Variants in SERPINI1 observed in about 807,000 individuals in gnomAD.
SERPINI1 encodes neuroserpin.
Under a neutral mutation model 41.1 loss-of-function variants are expected in SERPINI1, and 19 were observed. That is an observed-to-expected ratio of 0.46 (90% CI 0.32 to 0.68). The LOEUF (loss-of-function observed/expected upper bound fraction) is 0.68. SERPINI1 is among the 30% of genes least tolerant of loss of function. The probability of loss-of-function intolerance (pLI) is 0.03; values close to 1 mark genes in which losing one functional copy is unlikely to be tolerated. For synonymous variants in SERPINI1, 138 were observed against 156.6 expected (o/e 0.88, Z 0.89); for missense variants, 460 against 479.2 (o/e 0.96, Z 0.37).
intron 1 of SERPINI1, among the ~76,000 whole-genome samples, chr3:167,773,260 T>A (rs1726851318): frequency 6.6e-6 from 1 of 152,094 alleles, no homozygotes; most frequent in Non-Finnish European, 1.5e-5. Context: ...AGCTGCTATG[T>A]AAGCAGCTTG....
Position 167,792,688 on chromosome 3 carries a change from T to C in SERPINI1, c.580T>C (p.Phe194Leu). ...TTTCAAGGGGAACTGGAAGTCGCAG[T>C]TTAGGCCTGAAAATACTAGAACCTT... Reference protein sequence around the residue: ...VYFKGNWKSQFRPENTRTFSF... With the variant: ...VYFKGNWKSQLRPENTRTFSF... Residue 194 changes from phenylalanine to leucine, a missense_variant, in exon 4 of 9, where the codon TTT (phenylalanine) becomes CTT (leucine). By Grantham distance (22) the Phe-to-Leu change is conservative. Coordinates refer to ENST00000446050, the MANE Select transcript of SERPINI1 (RefSeq NM_001122752.2). 6.2e-7 allele frequency: 1 copy of C among 1,613,828 alleles called. No homozygotes were observed. The highest frequency in any genetic ancestry group is 8.5e-7 in the Non-Finnish European group (1 of 1,179,864).
At chr3:167,756,443 A>G (rs546443300) in intron 1 of SERPINI1, among the ~76,000 whole-genome samples, 1 of 152,094 alleles carries the variant, frequency 6.6e-6, no homozygotes, top group East Asian at 1.9e-4. Flanking sequence ...GACTACAGGC[A>G]TGCACCACCA....
At chr3:167,814,599 C>G (rs938241429) in intron 6 of SERPINI1, among the ~76,000 whole-genome samples, 2 of 152,152 alleles carry the variant, frequency 1.3e-5, no homozygotes, top group South Asian at 2.1e-4. Context: ...GAAGTAGTGG[C>G]CTACACTTGC....
chr3:167,797,642 T>A (rs1413337929), intron 5 of SERPINI1, among the ~76,000 whole-genome samples: 2 of 152,044 alleles, frequency 1.3e-5, no homozygotes, highest in Non-Finnish European at 2.9e-5. Context: ...GGCTAAGATA[T>A]TTAGCATGCA....
chr3:167,740,177 C>A (rs1398105113), intron 1 of SERPINI1, among the ~76,000 whole-genome samples: 1 of 151,978 alleles, frequency 6.6e-6, no homozygotes, highest in Non-Finnish European at 1.5e-5. Context: ...AGACTACAGG[C>A]AAGAACCACC....
At chr3:167,736,686 T>C (rs1725458702) in intron 1 of SERPINI1, among the ~76,000 whole-genome samples, 1 of 152,214 alleles carries the variant, frequency 6.6e-6, no homozygotes, top group Non-Finnish European at 1.5e-5. Flanking sequence ...ACACATGTAG[T>C]GTCATAAAAT....
At position 167,822,960 on chromosome 3, in the gene SERPINI1, A is replaced by AC. The variant is rs1490414339; in HGVS notation, c.980-26_980-25insC. 3.4e-6 allele frequency: 5 copies of AC among 1,450,906 alleles called. 1 individual carries two copies. The highest frequency in any genetic ancestry group is 3.9e-6 in the Non-Finnish European group (4 of 1,031,540). The allele number at this position is 1,450,906 out of a possible 1,614,324, so 89.9% of individuals were successfully genotyped here. A position where few individuals can be genotyped will look rare whatever the true frequency, so the allele number is the denominator to read the frequency against. ...ATTTTCCTATCTCTGAATGAAAAAA[A>AC]AAAATTTCTGATTCTCTTTTTGCAG... is the stretch of plus-strand genomic sequence containing the variant. On this transcript the variant is annotated intron_variant, in intron 6 of 8. Coordinates refer to ENST00000446050, the MANE Select transcript of SERPINI1 (RefSeq NM_001122752.2).
At chr3:167,744,827 AAT>A (rs201096812) in intron 1 of SERPINI1, among the ~76,000 whole-genome samples, 6,262 of 123,268 alleles carry the variant, frequency 0.051, 208 homozygotes, top group South Asian at 0.067. Context: ...TTATATATAT[AAT>A]ATATATATTA....
intron 1 of SERPINI1, among the ~76,000 whole-genome samples, chr3:167,769,829 T>A (rs2108544801): frequency 6.6e-6 from 1 of 152,278 alleles, no homozygotes; most frequent in Non-Finnish European, 1.5e-5. Flanking sequence ...ATCTTTTTTA[T>A]GATGTATTCA....
rs1359965635 is a variant in SERPINI1 at position 167,771,536 on chromosome 3, A to G, written c.-18-17575A>G. ...TTCACTGAGGGAAACTGGCTAAGGG[A>G]CAAGGGAATGTGGGGAAGAGAATCT... On this transcript the variant is annotated intron_variant, in intron 1 of 8. Transcript: ENST00000446050. 2.6e-5 allele frequency among the ~76,000 whole-genome samples: 4 copies of G among 152,222 alleles called. No homozygotes were observed. The East Asian group carries it at 7.7e-4, about 29-fold the overall frequency.
chr3:167,797,772 T>C (rs1430676013), intron 5 of SERPINI1, among the ~76,000 whole-genome samples: 1 of 151,940 alleles, frequency 6.6e-6, no homozygotes, highest in Non-Finnish European at 1.5e-5. Context: ...TTGACATTTA[T>C]ATACTAAATA....
chr3:167,818,206 T>C (rs753708539), intron 6 of SERPINI1, among the ~76,000 whole-genome samples: 6 of 152,008 alleles, frequency 3.9e-5, no homozygotes, highest in Non-Finnish European at 7.4e-5. Flanking sequence ...TTTTGTATTT[T>C]TAGTAGAGAC....
chr3:167,819,456 T>C (rs1425584268), intron 6 of SERPINI1, among the ~76,000 whole-genome samples: 1 of 152,248 alleles, frequency 6.6e-6, no homozygotes, highest in Non-Finnish European at 1.5e-5. Context: ...GAAAACTTGA[T>C]TGCTTTTTTA....
At chr3:167,760,418 G>A (rs1335104399) in intron 1 of SERPINI1, among the ~76,000 whole-genome samples, 1 of 151,830 alleles carries the variant, frequency 6.6e-6, no homozygotes, top group Non-Finnish European at 1.5e-5. Context: ...TGGCACCAGG[G>A]CAGCAGCATA....
intron 5 of SERPINI1, among the ~76,000 whole-genome samples, chr3:167,804,958 C>G (rs1414491145): frequency 6.6e-6 from 1 of 152,088 alleles, no homozygotes. Flanking sequence ...ACCAATATGG[C>G]TTGCTGTGGA....
chr3:167,806,864 A>T (rs1048928780), intron 5 of SERPINI1, among the ~76,000 whole-genome samples: 1 of 152,106 alleles, frequency 6.6e-6, no homozygotes, highest in African/African-American at 2.4e-5. Flanking sequence ...TTAAAAAAAA[A>T]AATAAAATAT....
intron 6 of SERPINI1, among the ~76,000 whole-genome samples, chr3:167,809,850 T>G (rs1711803160): frequency 6.6e-6 from 1 of 152,098 alleles, no homozygotes; most frequent in Non-Finnish European, 1.5e-5. Flanking sequence ...ATTTGCCCCC[T>G]TAAACATAAG....
intron 1 of SERPINI1, among the ~76,000 whole-genome samples, chr3:167,754,299 C>A (rs1726131531): frequency 6.6e-6 from 1 of 152,196 alleles, no homozygotes; most frequent in Non-Finnish European, 1.5e-5. Context: ...CAGCTAGACC[C>A]TGGGCTACAG....
intron 1 of SERPINI1, among the ~76,000 whole-genome samples, chr3:167,770,558 T>C (rs1031636212): frequency 6.6e-6 from 1 of 152,136 alleles, no homozygotes; most frequent in African/African-American, 2.4e-5. Context: ...ACTTTAAAAT[T>C]AGTCTAATTT....
Sources: allele counts gnomAD v4.1 joint callset (sites outside exome capture counted in the v4.1 genomes callset), GRCh38; gene constraint gnomAD v4.1.1; transcripts MANE v1.5; gene names NCBI Gene and HGNC (gene_info 2026-07-23, HGNC 2026-07-21).